Variants in DPP10 observed in about 807,000 individuals in gnomAD.
DPP10 encodes the protein dipeptidyl peptidase like 10, also known as inactive dipeptidyl peptidase 10.
Under a neutral mutation model 120.9 loss-of-function variants are expected in DPP10, and 33 were observed. That is an observed-to-expected ratio of 0.27 (90% CI 0.21 to 0.37). The LOEUF is 0.37. DPP10 is among the 10% of genes least tolerant of loss of function. DPP10 has a pLI of 1.00. For missense variants in DPP10, 816 were observed against 942.8 expected (o/e 0.87, Z 1.76); for synonymous variants, 337 against 326.1 (o/e 1.03, Z -0.36).
At chr2:115,680,700 C>A (rs13032384) in intron 5 of DPP10, among the ~76,000 whole-genome samples, 40,183 of 151,724 alleles carry the variant, frequency 0.26, 5,530 homozygotes, top group Middle Eastern at 0.38. Context: ...CATAAAGGAA[C>A]TAACTTTTAG....
At chr2:115,597,430 C>A (rs1050584762) in intron 5 of DPP10, among the ~76,000 whole-genome samples, 1 of 151,742 alleles carries the variant, frequency 6.6e-6, no homozygotes, top group African/African-American at 2.4e-5. Flanking sequence ...AGGAAGCAAA[C>A]GTAAGTACCA....
At chr2:114,822,826 G>A (rs1686213381) in intron 1 of DPP10, among the ~76,000 whole-genome samples, 1 of 152,152 alleles carries the variant, frequency 6.6e-6, no homozygotes, top group East Asian at 1.9e-4. Flanking sequence ...TCTTTGCAGA[G>A]CAAGAATGAC....
chr2:114,976,681 A>G (rs1307447334), intron 1 of DPP10, among the ~76,000 whole-genome samples: 1 of 152,214 alleles, frequency 6.6e-6, no homozygotes. Flanking sequence ...CTCTGCAAAA[A>G]AGTATTTCTT....
chr2:115,459,974 A>G (rs2073893329), intron 3 of DPP10, among the ~76,000 whole-genome samples: 2 of 128,884 alleles, frequency 1.6e-5, no homozygotes, highest in South Asian at 5.2e-4. Context: ...ATTATACTAG[A>G]TATTGTGGCT....
Position 115,785,982 on chromosome 2 carries a change from T to A in DPP10, c.1531+3583T>A, listed in dbSNP as rs559121610. Among the ~76,000 whole-genome samples the A allele has an allele frequency of 1.0e-3, 155 of 152,220 alleles. 1 individual carries two copies. The highest frequency in any genetic ancestry group is 3.4e-3 in the African/African-American group (143 of 41,550). ...CTTTGGAAATACACTAATGTTTAAA[T>A]AATCAGAGTTTCTTTCCATTTTAAA... On this transcript the variant is annotated intron_variant, in intron 17 of 25. Coordinates refer to ENST00000410059, the MANE Select transcript of DPP10 (RefSeq NM_020868.6).
At chr2:114,526,645 G>A (rs1486325867) in intron 1 of DPP10, among the ~76,000 whole-genome samples, 1 of 152,080 alleles carries the variant, frequency 6.6e-6, no homozygotes, top group Non-Finnish European at 1.5e-5. Context: ...TTAGTGCCTG[G>A]TGAGAACCTG....
chr2:114,728,553 A>G lies in DPP10; in HGVS notation c.60+285715A>G, dbSNP rs147509485. On this transcript the variant is annotated intron_variant, in intron 1 of 25. Coordinates refer to ENST00000410059, the MANE Select transcript of DPP10 (RefSeq NM_020868.6). ...CTGTCCCATTCTCTTGGACACATAAATGACTCAGAAATGGACTTTTGACTT... is the reference window on the plus strand; with the variant it reads ...CTGTCCCATTCTCTTGGACACATAAGTGACTCAGAAATGGACTTTTGACTT... 1.1e-4 allele frequency among the ~76,000 whole-genome samples: 17 copies of G among 152,284 alleles called. No homozygotes were observed. The East Asian group carries it at 3.3e-3, about 29-fold the overall frequency.
At chr2:114,869,011 G>C (rs1690462845) in intron 1 of DPP10, among the ~76,000 whole-genome samples, 2 of 152,114 alleles carry the variant, frequency 1.3e-5, no homozygotes, top group African/African-American at 4.8e-5. Context: ...ATTGAATTCA[G>C]TATGTGTACT....
At chr2:115,152,030 T>C (rs1395223311) in intron 1 of DPP10, among the ~76,000 whole-genome samples, 1 of 152,184 alleles carries the variant, frequency 6.6e-6, no homozygotes, top group Non-Finnish European at 1.5e-5. Flanking sequence ...TTTTCATGTG[T>C]TGCATGATGA....
chr2:114,505,480 C>T (rs1018491110), intron 1 of DPP10, among the ~76,000 whole-genome samples: 8 of 151,672 alleles, frequency 5.3e-5, no homozygotes, highest in Admixed American at 3.9e-4. Flanking sequence ...TTTAATGGCC[C>T]ATTTTTAGGT....
At chr2:115,644,470 G>A (rs2087060779) in intron 5 of DPP10, among the ~76,000 whole-genome samples, 1 of 151,996 alleles carries the variant, frequency 6.6e-6, no homozygotes, top group East Asian at 1.9e-4. Context: ...TAGTTTCTTA[G>A]TTTACTTGTT....
In DPP10 at chr2:115,013,658, C is replaced by CAAA. The variant is rs59313783; in HGVS notation, c.61-295563_61-295561dup. On this transcript the variant is annotated intron_variant, in intron 1 of 25. Transcript: ENST00000410059. ...GAATATTTACCAAGCAAATGGAAAG[C>CAAA]AAAAAAAAAAAAAAAAAAAAGTACA... 3.5e-3 allele frequency among the ~76,000 whole-genome samples: 205 copies of CAAA among 58,428 alleles called. 1 individual carries two copies. The highest frequency in any genetic ancestry group is 0.011 in the African/African-American group (190 of 17,952). 38.3% of individuals were successfully genotyped at this position (58,428 alleles called of 152,430 possible). A position where few individuals can be genotyped will look rare whatever the true frequency, so the allele number is the denominator to read the frequency against.
intron 1 of DPP10, among the ~76,000 whole-genome samples, chr2:114,901,751 A>G (rs1693591649): frequency 6.6e-6 from 1 of 152,246 alleles, no homozygotes; most frequent in Non-Finnish European, 1.5e-5. Flanking sequence ...AGACCAGGGC[A>G]GAGCTTTCAG....
At chr2:115,528,969 T>C (rs1310016169) in intron 5 of DPP10, among the ~76,000 whole-genome samples, 1 of 152,144 alleles carries the variant, frequency 6.6e-6, no homozygotes, top group Non-Finnish European at 1.5e-5. Flanking sequence ...TGTTGTTTTC[T>C]TGACCTGGTT....
intron 1 of DPP10, among the ~76,000 whole-genome samples, chr2:115,114,658 C>T (rs1377262989): frequency 1.3e-5 from 2 of 152,182 alleles, no homozygotes; most frequent in Non-Finnish European, 2.9e-5. Context: ...AGTAAACACA[C>T]ATTCTAACGC....
At chr2:115,584,801 T>C (rs1232632775) in intron 5 of DPP10, among the ~76,000 whole-genome samples, 1 of 152,214 alleles carries the variant, frequency 6.6e-6, no homozygotes, top group East Asian at 1.9e-4. Context: ...TTACTAATGG[T>C]ACATAAACAA....
intron 5 of DPP10, among the ~76,000 whole-genome samples, chr2:115,585,699 A>G (rs536161273): frequency 6.6e-6 from 1 of 152,202 alleles, no homozygotes; most frequent in East Asian, 1.9e-4. Flanking sequence ...TTTTCTCCTC[A>G]AGCAGTAAGC....
At chr2:115,020,623 A>G (rs1703001948) in intron 1 of DPP10, among the ~76,000 whole-genome samples, 1 of 152,102 alleles carries the variant, frequency 6.6e-6, no homozygotes, top group African/African-American at 2.4e-5. Flanking sequence ...AACTCAACAA[A>G]TGAACAATGG....
intron 1 of DPP10, among the ~76,000 whole-genome samples, chr2:114,484,853 G>A (rs1464713894): frequency 6.6e-6 from 1 of 151,770 alleles, no homozygotes; most frequent in African/African-American, 2.4e-5. Context: ...ATGTCTTCAG[G>A]TATAGAGGTT....
Sources: gnomAD v4.1 joint callset for allele counts (sites outside exome capture counted in the v4.1 genomes callset) on GRCh38, gnomAD v4.1.1 for gene constraint, MANE v1.5 for transcripts, NCBI Gene and HGNC (gene_info 2026-07-23, HGNC 2026-07-21) for gene names.